Variants in EIF4A1 observed in about 807,000 individuals in gnomAD.
The protein encoded by EIF4A1 is eukaryotic initiation factor 4A-I.
EIF4A1 carries 11 observed loss-of-function variants against 53.5 expected under a neutral mutation model. The observed-to-expected ratio is 0.21, with a 90% CI of 0.13 to 0.34. The LOEUF (loss-of-function observed/expected upper bound fraction) is 0.34. Among genes scored for constraint, EIF4A1 ranks in the 10% least tolerant of loss-of-function variants. EIF4A1 has a pLI of 1.00. For missense variants in EIF4A1, 213 were observed against 530.8 expected (o/e 0.40, Z 5.88); for synonymous variants, 237 against 186.7 (o/e 1.27, Z -2.20).
intron 2 of EIF4A1, 96 bp from the exon 3 acceptor site, chr17:7,574,450 C>T (rs1454751911): frequency 3.1e-6 from 5 of 1,600,702 alleles, no homozygotes; most frequent in Admixed American, 1.7e-5. Flanking sequence ...AGCTCTGAGG[C>T]TTTTGTTAGT....
At chr17:7,574,489 T>G in intron 2 of EIF4A1, 57 bp from the exon 3 acceptor site, 1 of 1,610,560 alleles carries the variant, frequency 6.2e-7, no homozygotes, top group Non-Finnish European at 8.5e-7. Context: ...GCTCGGAGAC[T>G]ACAGCTCAGC....
intron 4 of EIF4A1, 126 bp from the exon 5 acceptor site, chr17:7,576,398 A>C: frequency 8.0e-7 from 1 of 1,256,602 alleles, no homozygotes; most frequent in Non-Finnish European, 1.1e-6. Flanking sequence ...TTCTCAGCTG[A>C]ATGTGAGTTT....
intron 3 of EIF4A1, 145 bp downstream of exon 3, chr17:7,574,823 C>G: frequency 7.3e-7 from 1 of 1,362,912 alleles, no homozygotes; most frequent in Non-Finnish European, 1.0e-6. Flanking sequence ...CGTGCCCATG[C>G]CTGGTTCATG....
intron 4 of EIF4A1, 136 bp from the exon 5 acceptor site, chr17:7,576,384 CTGTT>C (rs1289766174): frequency 2.6e-6 from 3 of 1,142,880 alleles, no homozygotes; most frequent in African/African-American, 3.2e-5. Context: ...TAGCCTCTGC[CTGTT>C]TCTCAGCTGA....
At chr17:7,575,379 C>CT in intron 4 of EIF4A1, 121 bp downstream of exon 4, 1 of 1,372,384 alleles carries the variant, frequency 7.3e-7, no homozygotes, top group Non-Finnish European at 1.0e-6. Flanking sequence ...CCCTAACACT[C>CT]TCGAGACCTG....
At chr17:7,575,053 C>A in intron 3 of EIF4A1, 66 bp from the exon 4 acceptor site, 1 of 1,594,688 alleles carries the variant, frequency 6.3e-7, no homozygotes, top group East Asian at 2.2e-5. Context: ...ACCTCATTAA[C>A]CTAGGACTTG....
At chr17:7,573,014 G>C in intron 1 of EIF4A1, 150 bp downstream of exon 1, 1 of 1,438,670 alleles carries the variant, frequency 7.0e-7, no homozygotes, top group Non-Finnish European at 9.7e-7. Flanking sequence ...CGAGGGGGAA[G>C]ACCCACGGCC....
At position 7,577,726 on chromosome 17, in the gene EIF4A1, G is replaced by A; in HGVS notation, c.906+20G>A. On this transcript the variant is annotated intron_variant, in intron 8 of 10. Transcript: ENST00000293831. The surrounding 1 kb of genome is among the most constrained non-coding windows in gnomAD (Gnocchi z 4.7). The stretch of plus-strand genomic sequence containing the variant: ...GCCATGGTGTGTTTGCCCGCTGCCA[G>A]CCTGTTGTGGGTCTGCCCGTCAGAA... 1 of 1,613,760 alleles carries A rather than the reference G, an allele frequency of 6.2e-7. No homozygotes were observed.
Position 7,578,702 on chromosome 17 carries a change from A to C in EIF4A1, c.*216A>C, listed in dbSNP as rs2071436786. On this transcript the variant is annotated 3_prime_UTR_variant, in exon 11 of 11. Transcript: ENST00000293831. ...GCCCCAGGCGCCGGCTCTTCTCCCA[A>C]AAAAAAAAAAAAAACACTAATCCAT... The C allele has an allele frequency of 4.2e-6, 1 of 238,964 alleles. No homozygotes were observed. Among genetic ancestry groups the C allele is most frequent in the Non-Finnish European group, 7.6e-6 (1 of 130,796 alleles). 14.8% of individuals were successfully genotyped at this position (238,964 alleles called of 1,614,324 possible).
chr17:7,577,718 C>A lies in EIF4A1; in HGVS notation c.906+12C>A. The A allele has an allele frequency of 6.2e-7, 1 of 1,613,542 alleles. No homozygotes were observed. Among genetic ancestry groups the A allele is most frequent in the Non-Finnish European group, 8.5e-7 (1 of 1,179,950 alleles). On this transcript the variant is annotated intron_variant, in intron 8 of 10. Coordinates refer to ENST00000293831, the MANE Select transcript of EIF4A1 (RefSeq NM_001416.4). The surrounding 1 kb of genome is among the most constrained non-coding windows in gnomAD (Gnocchi z 4.7). Reference sequence around the variant, plus strand: ...CTGTATCCGCCATGGTGTGTTTGCCCGCTGCCAGCCTGTTGTGGGTCTGCC... The same window carrying A: ...CTGTATCCGCCATGGTGTGTTTGCCAGCTGCCAGCCTGTTGTGGGTCTGCC...
rs2270341 is a variant in EIF4A1, at chr17:7,577,229, T to A, written c.624+64T>A. 0.55 allele frequency: 859,240 copies of A among 1,566,070 alleles called. 240,806 individuals carry two copies. Among genetic ancestry groups the A allele is most frequent in the South Asian group, 0.64 (52,820 of 82,154 alleles). ...AAAATAGTAAGTGCCAGGGGAACCA[T>A]ATACTGGATTCTTGAGCCTTTTTAT... is the stretch of plus-strand genomic sequence containing the variant. On this transcript the variant is annotated intron_variant, in intron 6 of 10. Transcript: ENST00000293831. This position sits in a 1 kb window ranked among gnomAD's most constrained non-coding sequence, Gnocchi z 4.7.
chr17:7,577,505 A>G lies in EIF4A1; in HGVS notation c.768+18A>G. On this transcript the variant is annotated intron_variant, in intron 7 of 10. Transcript: ENST00000293831. The surrounding 1 kb of genome is among the most constrained non-coding windows in gnomAD (Gnocchi z 4.7). ...AACGAGAGGTGGGGCCCAGTGCAGG[A>G]GGCGGGCCTGGTAGTGAGTTGTTGG... 1 of 1,613,814 alleles carries G rather than the reference A, an allele frequency of 6.2e-7. No homozygotes were observed. Among genetic ancestry groups the G allele is most frequent in the Non-Finnish European group, 8.5e-7 (1 of 1,179,874 alleles).
At chr17:7,573,197 T>G in intron 1 of EIF4A1, 4 of 503,752 alleles carry the variant, frequency 7.9e-6, no homozygotes, top group East Asian at 3.7e-5. Context: ...CGGCCGCCAC[T>G]ATGTGTGGCC....
rs144046225 is a variant in EIF4A1, at chr17:7,577,856, C to T, written c.936C>T (p.Asp312=). Residue 312 remains aspartate (D), a synonymous_variant, in exon 9 of 11, where the codon GAC becomes GAT. Coordinates refer to ENST00000293831, the MANE Select transcript of EIF4A1 (RefSeq NM_001416.4). The surrounding 1 kb of genome is among the most constrained non-coding windows in gnomAD (Gnocchi z 4.7). ...MHGDMDQKER[D]VIMREFRSGS... is the part of the protein sequence containing the mutation. ...GAGATATGGACCAAAAGGAACGAGA[C>T]GTGATTATGAGGGAGTTTCGTTCTG... The T allele has an allele frequency of 1.2e-5, 19 of 1,614,034 alleles. No homozygotes were observed. The highest frequency in any genetic ancestry group is 6.6e-5 in the South Asian group (6 of 91,082).
Position 7,578,590 on chromosome 17 carries a change from T to A in EIF4A1, c.*104T>A, listed in dbSNP as rs183353697. 3.8e-6 allele frequency: 5 copies of A among 1,318,840 alleles called. No homozygotes were observed. The Admixed American group carries it at 1.2e-4, about 32-fold the overall frequency. 81.7% of individuals were successfully genotyped at this position (1,318,840 alleles called of 1,614,324 possible). ...AGCCAAGGGATGGACATCTTGTCAT[T>A]TTTTTTCTTTGAATAAATGTCACTT... On this transcript the variant is annotated 3_prime_UTR_variant, in exon 11 of 11. Transcript: ENST00000293831.
intron 5 of EIF4A1, 173 bp downstream of exon 5, chr17:7,576,865 C>T (rs1279490036): frequency 1.5e-6 from 2 of 1,362,430 alleles, no homozygotes; most frequent in East Asian, 2.3e-5. Flanking sequence ...CCTGCCAGTG[C>T]AGCCCTGGCA....
chr17:7,577,370 T>C lies in EIF4A1; in HGVS notation c.651T>C (p.Pro217=), dbSNP rs373835260. 15 of 1,613,980 alleles carry C rather than the reference T, an allele frequency of 9.3e-6. No individual in the cohort carries two copies. In the African/African-American group the frequency reaches 1.9e-4, roughly 20 times the overall value. The change falls in exon 7 of 11, where the codon CCT becomes CCC. Residue 217 remains proline, a synonymous_variant. Coordinates refer to ENST00000293831, the MANE Select transcript of EIF4A1 (RefSeq NM_001416.4). This position sits in a 1 kb window ranked among gnomAD's most constrained non-coding sequence, Gnocchi z 4.7. ...TAGTTTTGCTGTCAGCCACAATGCC[T>C]TCTGATGTGCTTGAGGTGACCAAGA... is the stretch of plus-strand genomic sequence containing the variant. The part of the protein sequence containing the change: ...TQVVLLSATM[P]SDVLEVTKKF...
At chr17:7,578,096 C>CT (rs1193014641) in intron 9 of EIF4A1, 69 bp from the exon 10 acceptor site, 1 of 1,608,820 alleles carries the variant, frequency 6.2e-7, no homozygotes. Context: ...ACATGGATGC[C>CT]TAAGTGTCTT....
chr17:7,574,172 T>A, intron 1 of EIF4A1, 88 bp from the exon 2 acceptor site: 1 of 1,498,770 alleles, frequency 6.7e-7, no homozygotes, highest in Admixed American at 1.7e-5. Context: ...GATGGCATCA[T>A]GCAGGCCACT....
Sources: gnomAD v4.1 joint callset for allele counts on GRCh38, gnomAD v4.1.1 for gene constraint, Gnocchi (gnomAD v3.1) non-coding constraint, MANE v1.5 for transcripts, NCBI Gene and HGNC (gene_info 2026-07-23, HGNC 2026-07-21) for gene names.